Variants in KLF12 observed in about 807,000 individuals in gnomAD.
KLF12 encodes Krueppel-like factor 12.
Under a neutral mutation model 37.8 loss-of-function variants are expected in KLF12, and 9 were observed. The ratio of observed to expected loss-of-function variants is 0.24; its 90% CI spans 0.14 to 0.42. The LOEUF (loss-of-function observed/expected upper bound fraction) is 0.42, where lower values mean the gene tolerates loss of function less well. Among genes scored for constraint, KLF12 ranks in the 10% least tolerant of loss-of-function variants. The pLI is 1.00. For missense variants in KLF12, 411 were observed against 516.0 expected (o/e 0.80, Z 1.97); for synonymous variants, 208 against 202.1 (o/e 1.03, Z -0.25).
At chr13:73,900,291 T>A (rs1887981250) in intron 3 of KLF12, among the ~76,000 whole-genome samples, 1 of 152,174 alleles carries the variant, frequency 6.6e-6, no homozygotes, top group Non-Finnish European at 1.5e-5. Flanking sequence ...GACCTCCACA[T>A]GTTAAAGAGA....
At chr13:74,238,544 A>T in the KLF12 span, among the ~76,000 whole-genome samples, 1 of 135,710 alleles carries the variant, frequency 7.4e-6, no homozygotes, top group Non-Finnish European at 1.5e-5. Context: ...CCTCTGGTAG[A>T]ATTCGGCTGT....
At chr13:74,297,166 T>C in the KLF12 span, among the ~76,000 whole-genome samples, 1 of 152,178 alleles carries the variant, frequency 6.6e-6, no homozygotes. Context: ...TTATTGAACC[T>C]ATTGAGAGCT....
At chr13:73,892,638 ATC>A (rs1288607073) in intron 3 of KLF12, among the ~76,000 whole-genome samples, 1 of 152,192 alleles carries the variant, frequency 6.6e-6, no homozygotes, top group East Asian at 1.9e-4. Flanking sequence ...ACAAACTAGT[ATC>A]CATACAACAG....
the KLF12 span, among the ~76,000 whole-genome samples, chr13:74,163,398 A>T: frequency 6.6e-6 from 1 of 152,236 alleles, no homozygotes; most frequent in African/African-American, 2.4e-5. Flanking sequence ...CTATTCAGCC[A>T]TAAGAAAAGA....
intron 4 of KLF12, among the ~76,000 whole-genome samples, chr13:73,841,766 CCTCT>C (rs1210648494): frequency 6.6e-6 from 1 of 152,114 alleles, no homozygotes; most frequent in East Asian, 1.9e-4. Context: ...ACAAAACTCT[CCTCT>C]CTATGTGGGA....
At chr13:74,237,399 G>T in the KLF12 span, among the ~76,000 whole-genome samples, 1 of 143,900 alleles carries the variant, frequency 6.9e-6, no homozygotes, top group African/African-American at 2.9e-5. Flanking sequence ...TTGTTCTTTT[G>T]GCTCAGGATT....
At chr13:74,004,997 T>G (rs1892375678) in intron 1 of KLF12, among the ~76,000 whole-genome samples, 1 of 152,040 alleles carries the variant, frequency 6.6e-6, no homozygotes, top group Non-Finnish European at 1.5e-5. Flanking sequence ...TTTGATAACG[T>G]CTTTAAAATA....
chr13:73,784,931 C>CT (rs1353590454), intron 5 of KLF12, among the ~76,000 whole-genome samples: 3 of 151,858 alleles, frequency 2.0e-5, no homozygotes, highest in African/African-American at 4.8e-5. Flanking sequence ...CCACTGCGCC[C>CT]GGCCTCATCT....
chr13:73,691,908 G>A lies in KLF12; in HGVS notation c.*3582C>T, dbSNP rs954126297. The A allele has an allele frequency of 4.6e-5, 7 of 152,482 alleles. No individual in the cohort carries two copies. The highest frequency in any genetic ancestry group is 7.2e-5 in the African/African-American group (3 of 41,412). 9.4% of individuals were successfully genotyped at this position (152,482 alleles called of 1,614,324 possible). On this transcript the variant is annotated 3_prime_UTR_variant, in exon 8 of 8. Transcript: ENST00000377669. ...TCCAAATCTGAACCATAATGAAAAC[G>A]GCCTTTCTAATCACCTGGAACTGGC... is the stretch of plus-strand genomic sequence containing the variant.
intron 3 of KLF12, among the ~76,000 whole-genome samples, chr13:73,890,423 TC>T (rs1887448578): frequency 6.6e-6 from 1 of 152,096 alleles, no homozygotes; most frequent in African/African-American, 2.4e-5. Context: ...AAAGAAATAA[TC>T]CTTTTTATCT....
intron 2 of KLF12, among the ~76,000 whole-genome samples, chr13:73,992,551 A>T (rs1451882957): frequency 1.3e-5 from 2 of 152,224 alleles, no homozygotes; most frequent in African/African-American, 2.4e-5. Flanking sequence ...CAGAAATTTT[A>T]TAAATCCCAA....
At chr13:73,868,252 C>T (rs1437858821) in intron 3 of KLF12, among the ~76,000 whole-genome samples, 6 of 114,548 alleles carry the variant, frequency 5.2e-5, no homozygotes, top group Admixed American at 1.3e-4. Context: ...GTGCAGGTTG[C>T]GGTGAGCCGA....
At chr13:74,207,992 T>C in the KLF12 span, among the ~76,000 whole-genome samples, 1 of 152,172 alleles carries the variant, frequency 6.6e-6, no homozygotes. Context: ...GAATTAGACA[T>C]TTTTAAAGCT....
intron 4 of KLF12, among the ~76,000 whole-genome samples, chr13:73,829,006 G>A (rs548208483): frequency 5.9e-5 from 9 of 151,848 alleles, no homozygotes; most frequent in South Asian, 2.1e-4. Context: ...ACACCTCACC[G>A]CCACCCAACA....
chr13:74,098,452 G>A (rs1340025154), intron 1 of KLF12, among the ~76,000 whole-genome samples: 1 of 152,160 alleles, frequency 6.6e-6, no homozygotes, highest in Non-Finnish European at 1.5e-5. Flanking sequence ...CTTGTGGAGA[G>A]CTAAATTCTC....
chr13:73,929,288 C>T (rs1889552749), intron 3 of KLF12, among the ~76,000 whole-genome samples: 1 of 152,198 alleles, frequency 6.6e-6, no homozygotes, highest in East Asian at 1.9e-4. Flanking sequence ...GTAGTCACTG[C>T]TATTAGCTAA....
chr13:74,005,473 GCAC>G (rs1177763243), intron 1 of KLF12, among the ~76,000 whole-genome samples: 2 of 152,202 alleles, frequency 1.3e-5, no homozygotes, highest in Non-Finnish European at 2.9e-5. Flanking sequence ...GCGGTATGCT[GCAC>G]TTTGGGGAAG....
At chr13:74,275,879 T>A in the KLF12 span, among the ~76,000 whole-genome samples, 193 of 11,302 alleles carry the variant, frequency 0.017, 4 homozygotes, top group African/African-American at 0.045. Context: ...TCTTTCTTTC[T>A]TCTTTCTTTC....
At chr13:73,904,111 C>T (rs940526702) in intron 3 of KLF12, among the ~76,000 whole-genome samples, 3 of 152,238 alleles carry the variant, frequency 2.0e-5, no homozygotes, top group Admixed American at 6.5e-5. Flanking sequence ...TTGGGCAAAC[C>T]TCTGGAAAGC....
Sources: gnomAD v4.1 joint callset for allele counts (sites outside exome capture counted in the v4.1 genomes callset) on GRCh38, gnomAD v4.1.1 for gene constraint, MANE v1.5 for transcripts, NCBI Gene and HGNC (gene_info 2026-07-23, HGNC 2026-07-21) for gene names.